The following RRM2B variants were observed in gnomAD, a reference collection of about 807,000 sequenced individuals.
RRM2B encodes the protein ribonucleoside-diphosphate reductase subunit M2 B.
A neutral mutation model predicts 45.9 loss-of-function variants in RRM2B; 20 were observed. The observed-to-expected ratio is 0.44, with a 90% confidence interval of 0.31 to 0.63. RRM2B has a LOEUF of 0.63. Among genes scored for constraint, RRM2B ranks in the 30% least tolerant of loss-of-function variants. The pLI is 0.09. For missense variants in RRM2B, 320 were observed against 414.7 expected (o/e 0.77, Z 1.98); for synonymous variants, 124 against 132.3 (o/e 0.94, Z 0.43).
chr8:102,237,288 A>G (rs765253080), intron 1 of RRM2B, among the ~76,000 whole-genome samples: 9 of 152,222 alleles, frequency 5.9e-5, no homozygotes, highest in Non-Finnish European at 8.8e-5. Flanking sequence ...CAAAATCTAC[A>G]TATCACTTCA....
chr8:102,235,213 C>G (rs1358122416), intron 1 of RRM2B, among the ~76,000 whole-genome samples: 2 of 152,168 alleles, frequency 1.3e-5, no homozygotes, highest in Non-Finnish European at 2.9e-5. Context: ...CCATCTCTTG[C>G]CTGAACTAGA....
At chr8:102,233,210 C>T (rs1327795328) in intron 1 of RRM2B, among the ~76,000 whole-genome samples, 1 of 152,216 alleles carries the variant, frequency 6.6e-6, no homozygotes, top group African/African-American at 2.4e-5. Flanking sequence ...CTTACTCCAG[C>T]GTCCACCCAT....
At chr8:102,214,000 G>A in intron 7 of RRM2B, 54 bp downstream of exon 7, 1 of 1,188,814 alleles carries the variant, frequency 8.4e-7, no homozygotes. Context: ...TATAATAGTG[G>A]TACAAACATC....
chr8:102,218,453 C>T (rs894092642), intron 6 of RRM2B, among the ~76,000 whole-genome samples: 1 of 152,094 alleles, frequency 6.6e-6, no homozygotes, highest in African/African-American at 2.4e-5. Flanking sequence ...TACAGTAATT[C>T]ATGCCTGTAA....
intron 2 of RRM2B, among the ~76,000 whole-genome samples, chr8:102,226,582 C>A (rs2132556914): frequency 6.6e-6 from 1 of 152,108 alleles, no homozygotes; most frequent in African/African-American, 2.4e-5. Context: ...ACAGTCACTG[C>A]TTTAACATTT....
chr8:102,231,307 G>A (rs28999698), intron 2 of RRM2B, among the ~76,000 whole-genome samples: 1,828 of 152,306 alleles, frequency 0.012, 36 homozygotes, highest in African/African-American at 0.042. Flanking sequence ...ACTCTGTCAC[G>A]TTTGATGTAG....
At chr8:102,226,504 TA>T (rs1263971923) in intron 2 of RRM2B, among the ~76,000 whole-genome samples, 4 of 151,338 alleles carry the variant, frequency 2.6e-5, no homozygotes, top group African/African-American at 9.7e-5. Context: ...AAAGAAGGGC[TA>T]AAAGGGGAGG....
chr8:102,221,803 C>A (rs1449489479), intron 5 of RRM2B, among the ~76,000 whole-genome samples: 1 of 152,100 alleles, frequency 6.6e-6, no homozygotes, highest in Non-Finnish European at 1.5e-5. Flanking sequence ...TTTCCGTGGG[C>A]CTGCTCATCA....
intron 7 of RRM2B, 35 bp from the exon 8 acceptor site, chr8:102,212,924 C>A: frequency 9.7e-7 from 1 of 1,029,498 alleles, no homozygotes; most frequent in Non-Finnish European, 1.5e-6. Context: ...AAAGTACAAA[C>A]AAAACTATAA....
chr8:102,237,059 ATTCCCACAAAGTC>A, intron 1 of RRM2B, among the ~76,000 whole-genome samples: 1 of 152,326 alleles, frequency 6.6e-6, no homozygotes, highest in South Asian at 2.1e-4. Context: ...TTTCACTTCT[ATTCCCACAAAGTC>A]TGACGGAACC....
intron 8 of RRM2B, among the ~76,000 whole-genome samples, chr8:102,208,529 A>C (rs551310150): frequency 5.6e-4 from 86 of 152,350 alleles, no homozygotes; most frequent in Non-Finnish European, 6.2e-4. Context: ...AAATAGAAAA[A>C]AAAACACAAC....
Position 102,214,166 on chromosome 8 carries a change from G to A in RRM2B, c.685-8C>T. 5.1e-6 allele frequency: 8 copies of A among 1,584,042 alleles called. No individual in the cohort carries two copies. Among genetic ancestry groups the A allele is most frequent in the African/African-American group, 1.3e-5 (1 of 74,356 alleles). Reference sequence around the variant, plus strand: ...AAAGTCACAGTGAAGTCCCTAAAAGGGAAGAAAAATGTCATTGTCAAATAA... The same window carrying A: ...AAAGTCACAGTGAAGTCCCTAAAAGAGAAGAAAAATGTCATTGTCAAATAA... On this transcript the variant is annotated splice_region_variant and splice_polypyrimidine_tract_variant and intron_variant, in intron 6 of 8. Coordinates refer to ENST00000251810, the MANE Select transcript of RRM2B (RefSeq NM_015713.5).
At chr8:102,209,918 T>TGCAGAATAGGCAAATCTACAGAC (rs945773076) in intron 8 of RRM2B, among the ~76,000 whole-genome samples, 3 of 152,210 alleles carry the variant, frequency 2.0e-5, no homozygotes, top group African/African-American at 7.2e-5. Flanking sequence ...AAATAGAATA[T>TGCAGAATAGGCAAATCTACAGAC]GCAGAATAGG....
At chr8:102,209,353 C>A (rs1810597914) in intron 8 of RRM2B, among the ~76,000 whole-genome samples, 1 of 152,100 alleles carries the variant, frequency 6.6e-6, no homozygotes. Flanking sequence ...CAAACTGATA[C>A]TTCTTTAAAG....
In RRM2B at chr8:102,205,273, T is replaced by C. The variant is rs1293012677; in HGVS notation, c.*2860A>G. On this transcript the variant is annotated 3_prime_UTR_variant, in exon 9 of 9. Transcript: ENST00000251810. The stretch of plus-strand genomic sequence containing the variant: ...TGACAGTGATGTTAGCATATTTAAA[T>C]GTAAAATGCAAAATGATTAATTTTT... 1 of 152,152 alleles carries C rather than the reference T, an allele frequency of 6.6e-6. No individual in the cohort carries two copies. The highest frequency in any genetic ancestry group is 1.5e-5 in the Non-Finnish European group (1 of 68,004). The allele number at this position is 152,152 out of a possible 1,614,324, so 9.4% of individuals were successfully genotyped here.
At chr8:102,234,648 G>C (rs573381531) in intron 1 of RRM2B, 1 of 152,226 alleles carries the variant, frequency 6.6e-6, no homozygotes, top group African/African-American at 2.4e-5. Context: ...TCAAGAGATC[G>C]AGACCATCCT....
chr8:102,224,823 A>C, intron 4 of RRM2B, 62 bp downstream of exon 4: 1 of 1,495,522 alleles, frequency 6.7e-7, no homozygotes, highest in Non-Finnish European at 9.3e-7. Context: ...TTTTGGAATA[A>C]ATTCTGATCT....
chr8:102,235,578 C>T (rs977849907), intron 1 of RRM2B, among the ~76,000 whole-genome samples: 4 of 152,238 alleles, frequency 2.6e-5, no homozygotes, highest in African/African-American at 9.6e-5. Context: ...TGGTGCCTCA[C>T]GCCTGTAATC....
chr8:102,225,225 ATTCT>A, intron 3 of RRM2B, among the ~76,000 whole-genome samples: 1 of 132,802 alleles, frequency 7.5e-6, no homozygotes, highest in Non-Finnish European at 1.6e-5. Context: ...TGCATAGTAT[ATTCT>A]TTTTTTTTTT....
Sources: gnomAD v4.1 joint callset for allele counts (sites outside exome capture counted in the v4.1 genomes callset) on GRCh38, gnomAD v4.1.1 for gene constraint, MANE v1.5 for transcripts, NCBI Gene and HGNC (gene_info 2026-07-23, HGNC 2026-07-21) for gene names.